CNST: variants seen among roughly 807,000 people sequenced by gnomAD.
The protein encoded by CNST is consortin.
Under a neutral mutation model 72.4 loss-of-function variants are expected in CNST, and 39 were observed. That is an observed-to-expected ratio of 0.54 (90% confidence interval 0.42 to 0.70). The LOEUF (loss-of-function observed/expected upper bound fraction) is 0.70, where lower values mean the gene tolerates loss of function less well. CNST is among the 30% of genes least tolerant of loss of function. CNST has a pLI of 0.00. For missense variants in CNST, 871 were observed against 868.5 expected (o/e 1.00, Z -0.04); for synonymous variants, 332 against 320.1 (o/e 1.04, Z -0.40).
chr1:246,637,676 C>T (rs1665382077), intron 6 of CNST, among the ~76,000 whole-genome samples: 1 of 152,038 alleles, frequency 6.6e-6, no homozygotes, highest in South Asian at 2.1e-4. Flanking sequence ...AAGATTGAGG[C>T]CTGTAAGGTG....
At chr1:246,634,391 G>A (rs546430147) in intron 5 of CNST, 82 bp from the exon 6 acceptor site, 3 of 733,270 alleles carry the variant, frequency 4.1e-6, no homozygotes, top group African/African-American at 1.8e-5. Context: ...TTTATGAGTG[G>A]TGCTAGTTAA....
rs1026066306 is a variant in CNST at position 246,591,554 on chromosome 1, G to T, written c.-9G>T. On this transcript the variant is annotated 5_prime_UTR_variant, in exon 2 of 11. Transcript: ENST00000366513. ...TGTAACTTTAAATGGTTCACCAAAGGATGCTCTAATGGATGACAGCGATAC... is the reference window on the plus strand; with the variant it reads ...TGTAACTTTAAATGGTTCACCAAAGTATGCTCTAATGGATGACAGCGATAC... 1 of 1,613,946 alleles carries T rather than the reference G, an allele frequency of 6.2e-7. No homozygotes were observed. The highest frequency in any genetic ancestry group is 8.5e-7 in the Non-Finnish European group (1 of 1,179,874).
Position 246,566,518 on chromosome 1 carries a change from C to T in CNST, c.-197C>T, listed in dbSNP as rs888245200. On this transcript the variant is annotated 5_prime_UTR_variant, in exon 1 of 11. Transcript: ENST00000366513. ...GAGGGGTGCGCAGAGGGAGGCGGGG[C>T]GGAAAGGCGAGAGGTGTCTCCTCCA... 4.7e-6 allele frequency: 2 copies of T among 429,228 alleles called. No homozygotes were observed. The highest frequency in any genetic ancestry group is 2.0e-5 in the African/African-American group (1 of 50,000). The allele number at this position is 429,228 out of a possible 1,614,324, so 26.6% of individuals were successfully genotyped here. A position where few individuals can be genotyped will look rare whatever the true frequency, so the allele number is the denominator to read the frequency against.
chr1:246,648,095 G>C (rs1297873901), intron 9 of CNST, 58 bp downstream of exon 9: 1 of 1,516,394 alleles, frequency 6.6e-7, no homozygotes, highest in Admixed American at 2.2e-5. Flanking sequence ...ACATATATAT[G>C]TATTAAATAT....
chr1:246,619,318 A>G (rs1663899072), intron 2 of CNST, among the ~76,000 whole-genome samples: 1 of 152,222 alleles, frequency 6.6e-6, no homozygotes, highest in Non-Finnish European at 1.5e-5. Context: ...ATGGCAGGCC[A>G]TCACTGGGCC....
At chr1:246,607,381 T>C (rs1187159406) in intron 2 of CNST, 1 of 152,150 alleles carries the variant, frequency 6.6e-6, no homozygotes, top group African/African-American at 2.4e-5. Flanking sequence ...AACCGGTTTT[T>C]TCCTGGCTAG....
At chr1:246,583,811 C>T (rs372346303) in intron 1 of CNST, among the ~76,000 whole-genome samples, 30 of 152,296 alleles carry the variant, frequency 2.0e-4, no homozygotes, top group East Asian at 7.7e-4. Flanking sequence ...AACCAGTGTT[C>T]CTCTGAATGT....
rs1274211696 is a variant in CNST at position 246,647,758 on chromosome 1, A to G, written c.1557A>G (p.Leu519=). 4.3e-6 allele frequency: 7 copies of G among 1,614,112 alleles called. No individual in the cohort carries two copies. The African/African-American group carries it at 6.7e-5, about 15-fold the overall frequency. The change falls in exon 9 of 11, where the codon TTA becomes TTG. Residue 519 remains leucine, a synonymous_variant. Transcript: ENST00000366513. The part of the protein sequence containing the change: ...VLCGNNQISD[L]GILLPEVCMA... The stretch of plus-strand genomic sequence containing the variant: ...GTGGAAATAATCAAATATCTGACTT[A>G]GGCATACTGCTTCCAGAGGTGTGTA...
chr1:246,612,433 C>T (rs1253690767), intron 2 of CNST, among the ~76,000 whole-genome samples: 6 of 152,074 alleles, frequency 3.9e-5, no homozygotes, highest in Admixed American at 6.6e-5. Context: ...GAACTCCTGA[C>T]CTCAGGTGAT....
intron 9 of CNST, among the ~76,000 whole-genome samples, chr1:246,652,982 C>A (rs961243214): frequency 6.7e-6 from 1 of 150,266 alleles, no homozygotes; most frequent in Non-Finnish European, 1.5e-5. Context: ...CCAGCCTGGG[C>A]TACAGAGTGA....
intron 2 of CNST, among the ~76,000 whole-genome samples, chr1:246,613,457 A>G (rs1241556519): frequency 6.6e-6 from 1 of 151,928 alleles, no homozygotes; most frequent in Non-Finnish European, 1.5e-5. Context: ...TCTCTGAATA[A>G]TGGCATAACC....
chr1:246,642,424 T>C (rs903349469), intron 8 of CNST, among the ~76,000 whole-genome samples: 2 of 152,120 alleles, frequency 1.3e-5, no homozygotes, highest in Non-Finnish European at 2.9e-5. Context: ...GTATACACTT[T>C]ACCAGAAATT....
chr1:246,631,028 G>T (rs1034331159), intron 3 of CNST, among the ~76,000 whole-genome samples: 1 of 152,182 alleles, frequency 6.6e-6, no homozygotes, highest in African/African-American at 2.4e-5. Context: ...TTACAGGCGT[G>T]AGCCACCATG....
Position 246,668,152 on chromosome 1 carries a change from A to G in CNST, c.*2247A>G, listed in dbSNP as rs1356008235. 6 of 152,252 alleles carry G rather than the reference A, an allele frequency of 3.9e-5. No homozygotes were observed. Among genetic ancestry groups the G allele is most frequent in the Admixed American group, 3.3e-4 (5 of 15,292 alleles). 9.4% of individuals were successfully genotyped at this position (152,252 alleles called of 1,614,324 possible). On this transcript the variant is annotated 3_prime_UTR_variant, in exon 11 of 11. Transcript: ENST00000366513. ...TAAAAATGTCATAGTTATCTATTGC[A>G]TGAACTGGAGTAATTCCACCTGGTG...
At chr1:246,606,221 G>A (rs1449223727) in intron 2 of CNST, 1 of 152,112 alleles carries the variant, frequency 6.6e-6, no homozygotes, top group East Asian at 1.9e-4. Flanking sequence ...TTTATTATCA[G>A]TGGGATACCA....
At chr1:246,566,814 C>T (rs760320509) in intron 1 of CNST, 151 bp downstream of exon 1, 153 of 397,206 alleles carry the variant, frequency 3.9e-4, no homozygotes, top group Middle Eastern at 1.2e-3. Context: ...GGTCCCCTTA[C>T]CTCCTCCGCC....
At chr1:246,634,361 G>C (rs530050993) in intron 5 of CNST, 112 bp from the exon 6 acceptor site, 1 of 626,702 alleles carries the variant, frequency 1.6e-6, no homozygotes, top group African/African-American at 1.9e-5. Context: ...TGTTTGAAAA[G>C]ATAATTTTGC....
intron 1 of CNST, among the ~76,000 whole-genome samples, chr1:246,570,266 C>T (rs565231661): frequency 7.9e-5 from 12 of 152,252 alleles, no homozygotes; most frequent in Admixed American, 3.3e-4. Context: ...TACGTAGAAC[C>T]GTCAGTGGTT....
At chr1:246,596,158 A>G (rs1465128842) in intron 2 of CNST, among the ~76,000 whole-genome samples, 1 of 152,260 alleles carries the variant, frequency 6.6e-6, no homozygotes, top group Non-Finnish European at 1.5e-5. Flanking sequence ...GCTCATGCCT[A>G]TAATTGTAGC....
Sources: gnomAD v4.1 joint callset for allele counts (sites outside exome capture counted in the v4.1 genomes callset) on GRCh38, gnomAD v4.1.1 for gene constraint, MANE v1.5 for transcripts, NCBI Gene and HGNC (gene_info 2026-07-23, HGNC 2026-07-21) for gene names.